PRIM2: variants seen among roughly 807,000 people sequenced by gnomAD.
PRIM2 encodes the protein DNA primase subunit 2, also known as DNA primase large subunit.
Under a neutral mutation model 67.3 loss-of-function variants are expected in PRIM2, and 39 were observed. The ratio of observed to expected loss-of-function variants is 0.58; its 90% CI spans 0.45 to 0.76. PRIM2 has a LOEUF of 0.76. PRIM2 is among the 30% of genes least tolerant of loss of function. The pLI, the probability that PRIM2 is intolerant of heterozygous loss-of-function variation, is 0.00. For missense variants in PRIM2, 398 were observed against 598.7 expected (o/e 0.66, Z 3.50); for synonymous variants, 143 against 198.7 (o/e 0.72, Z 2.36).
chr6:57,243,198 C>T, the PRIM2 span, among the ~76,000 whole-genome samples: 474 of 152,298 alleles, frequency 3.1e-3, 3 homozygotes, highest in Middle Eastern at 6.8e-3. Flanking sequence ...TCATTCACTA[C>T]CTAACCCTTT....
chr6:57,595,156 G>T (rs1267987908), intron 10 of PRIM2, among the ~76,000 whole-genome samples: 1 of 152,152 alleles, frequency 6.6e-6, no homozygotes, highest in Non-Finnish European at 1.5e-5. Flanking sequence ...GCTGGTGGGG[G>T]TATAAAATAG....
At chr6:57,290,840 A>C in the PRIM2 span, among the ~76,000 whole-genome samples, 2 of 152,216 alleles carry the variant, frequency 1.3e-5, no homozygotes, top group African/African-American at 4.8e-5. Context: ...TCTCTGGGAC[A>C]CATTTAAAGC....
At chr6:57,474,392 T>C (rs1222853975) in intron 7 of PRIM2, among the ~76,000 whole-genome samples, 4 of 152,014 alleles carry the variant, frequency 2.6e-5, no homozygotes, top group Admixed American at 6.6e-5. Flanking sequence ...GCCAGGATGG[T>C]CTCTATCTCC....
the PRIM2 span, among the ~76,000 whole-genome samples, chr6:57,300,458 C>T: frequency 1.3e-5 from 2 of 151,864 alleles, no homozygotes; most frequent in African/African-American, 4.8e-5. Context: ...TGTGTATGTG[C>T]GTGTGTGTGT....
intron 5 of PRIM2, among the ~76,000 whole-genome samples, chr6:57,337,650 C>G (rs947500685): frequency 1.2e-4 from 18 of 152,228 alleles, no homozygotes; most frequent in Non-Finnish European, 1.9e-4. Flanking sequence ...TAAAGATGTT[C>G]TTTGAAACCA....
At chr6:57,248,617 T>G in the PRIM2 span, among the ~76,000 whole-genome samples, 10,637 of 152,228 alleles carry the variant, frequency 0.07, 431 homozygotes, top group Non-Finnish European at 0.1. Flanking sequence ...GCAAATGAAG[T>G]AGTGGCCCAC....
chr6:57,469,324 G>T (rs1244481729), intron 7 of PRIM2, among the ~76,000 whole-genome samples: 10 of 152,154 alleles, frequency 6.6e-5, no homozygotes, highest in Non-Finnish European at 1.3e-4. Context: ...GTGAACTTTG[G>T]TATTTTCACA....
chr6:57,435,475 C>T (rs140914252), intron 7 of PRIM2, among the ~76,000 whole-genome samples: 1 of 152,302 alleles, frequency 6.6e-6, no homozygotes. Context: ...AGGCAACAGC[C>T]TGATCATTCC....
At position 57,626,051 on chromosome 6, in the gene PRIM2, T is replaced by C. The variant is rs1270839357; in HGVS notation, c.1231-6082T>C. Among the ~76,000 whole-genome samples, 3 of 152,264 alleles carry C rather than the reference T, an allele frequency of 2.0e-5. No homozygotes were observed. In the East Asian group the frequency reaches 5.8e-4, roughly 29 times the overall value. On this transcript the variant is annotated intron_variant, in intron 12 of 13. Coordinates refer to ENST00000615550, the MANE Select transcript of PRIM2 (RefSeq NM_000947.5). ...TTGAGTTTTTTAGGAAGAAGCAAGCTTGTTATCACTTTTAAATAAGACAAA... is the reference window on the plus strand; with the variant it reads ...TTGAGTTTTTTAGGAAGAAGCAAGCCTGTTATCACTTTTAAATAAGACAAA...
chr6:57,333,790 A>T (rs563170979), intron 5 of PRIM2, among the ~76,000 whole-genome samples: 1 of 152,228 alleles, frequency 6.6e-6, no homozygotes, highest in African/African-American at 2.4e-5. Flanking sequence ...AAATTTACTT[A>T]AAAATTGAAT....
chr6:57,496,660 C>T (rs1581953580), intron 7 of PRIM2, among the ~76,000 whole-genome samples: 1 of 151,834 alleles, frequency 6.6e-6, no homozygotes, highest in South Asian at 2.1e-4. Flanking sequence ...AATTGACAAA[C>T]GTATGTTTAG....
At chr6:57,322,601 C>T (rs985453052) in intron 3 of PRIM2, among the ~76,000 whole-genome samples, 1 of 152,152 alleles carries the variant, frequency 6.6e-6, no homozygotes, top group East Asian at 1.9e-4. Context: ...TCCCCTTCTG[C>T]CATGATTGTA....
intron 7 of PRIM2, among the ~76,000 whole-genome samples, chr6:57,419,779 TAATA>T (rs1275948012): frequency 6.6e-6 from 1 of 152,202 alleles, no homozygotes; most frequent in Non-Finnish European, 1.5e-5. Context: ...AATTTTTTTT[TAATA>T]AATAAAATGT....
At chr6:57,540,764 G>A (rs1318209223) in intron 10 of PRIM2, among the ~76,000 whole-genome samples, 1 of 152,140 alleles carries the variant, frequency 6.6e-6, no homozygotes, top group Non-Finnish European at 1.5e-5. Context: ...ATGTAAAGAT[G>A]CAGTATTATA....
intron 7 of PRIM2, among the ~76,000 whole-genome samples, chr6:57,407,010 G>A (rs1225809748): frequency 1.3e-5 from 2 of 150,324 alleles, no homozygotes; most frequent in Admixed American, 1.3e-4. Flanking sequence ...AACTGAACCT[G>A]GAAAAAGATA....
At chr6:57,536,198 T>C (rs1473349435) in intron 9 of PRIM2, among the ~76,000 whole-genome samples, 3 of 152,184 alleles carry the variant, frequency 2.0e-5, no homozygotes, top group Admixed American at 1.3e-4. Flanking sequence ...TGAGACCTGC[T>C]CTTTCTTATA....
intron 10 of PRIM2, among the ~76,000 whole-genome samples, chr6:57,571,008 A>G (rs1266923279): frequency 2.6e-5 from 4 of 152,176 alleles, no homozygotes; most frequent in African/African-American, 7.2e-5. Context: ...AAGAAAATCT[A>G]TTTGATTTAC....
intron 7 of PRIM2, among the ~76,000 whole-genome samples, chr6:57,478,665 T>G (rs1287552312): frequency 1.3e-5 from 2 of 152,210 alleles, no homozygotes; most frequent in Non-Finnish European, 2.9e-5. Context: ...AGAATTTATA[T>G]TGACTTTGAA....
chr6:57,632,416 A>G (rs1286270984), intron 13 of PRIM2, among the ~76,000 whole-genome samples: 1 of 152,206 alleles, frequency 6.6e-6, no homozygotes, highest in Non-Finnish European at 1.5e-5. Flanking sequence ...AGGAGAAGCT[A>G]CATCATGAGA....
Sources: gnomAD v4.1 joint callset for allele counts (sites outside exome capture counted in the v4.1 genomes callset) on GRCh38, gnomAD v4.1.1 for gene constraint, MANE v1.5 for transcripts, NCBI Gene and HGNC (gene_info 2026-07-23, HGNC 2026-07-21) for gene names.